The following SORCS1 variants were observed in gnomAD, a reference collection of about 807,000 sequenced individuals.
SORCS1 encodes the protein sortilin related VPS10 domain containing receptor 1.
SORCS1 carries 60 observed loss-of-function variants against 146.1 expected under a neutral mutation model. The ratio of observed to expected loss-of-function variants is 0.41; its 90% confidence interval spans 0.33 to 0.51. SORCS1 has a LOEUF of 0.51. SORCS1 is among the 20% of genes least tolerant of loss of function. SORCS1 has a pLI of 0.21. For synonymous variants in SORCS1, 637 were observed against 584.0 expected (o/e 1.09, Z -1.31); for missense variants, 1,352 against 1,487.6 (o/e 0.91, Z 1.50).
Position 106,878,266 on chromosome 10 carries a change from G to T in SORCS1, c.627-48593C>A, listed in dbSNP as rs900206296. Among the ~76,000 whole-genome samples the T allele has an allele frequency of 2.6e-5, 4 of 151,594 alleles. No individual in the cohort carries two copies. In the East Asian group the frequency reaches 7.8e-4, roughly 29 times the overall value. ...TCTTCTGGGGGACTCCTTGTGGGAG[G>T]TTATAAACTTGTCACAATAATTCGG... On this transcript the variant is annotated intron_variant, in intron 2 of 25. Transcript: ENST00000263054.
chr10:106,976,623 GC>G (rs200225308), intron 1 of SORCS1, among the ~76,000 whole-genome samples: 5,374 of 152,164 alleles, frequency 0.035, 140 homozygotes, highest in Non-Finnish European at 0.053. Context: ...GAGCCACCGC[GC>G]CCGGCTGCCA....
At chr10:106,865,539 C>G (rs1950195338) in intron 2 of SORCS1, among the ~76,000 whole-genome samples, 1 of 151,988 alleles carries the variant, frequency 6.6e-6, no homozygotes, top group African/African-American at 2.4e-5. Flanking sequence ...GCCTGGGGAA[C>G]ATGGTGAAAC....
chr10:106,943,585 ATCATGAGG>A lies in SORCS1; in HGVS notation c.626+12920_626+12927del, dbSNP rs1265834837. ...CGCTTTGGGAGGCCGAGGTGGCCGGATCATGAGGTCAGGAGATCAAGACCATCCCGGCT... is the reference window on the plus strand; with the variant it reads ...CGCTTTGGGAGGCCGAGGTGGCCGGATCAGGAGATCAAGACCATCCCGGCT... On this transcript the variant is annotated intron_variant, in intron 2 of 25. Transcript: ENST00000263054. Among the ~76,000 whole-genome samples the A allele has an allele frequency of 3.9e-5, 6 of 152,204 alleles. No individual in the cohort carries two copies. The East Asian group carries it at 1.2e-3, about 29-fold the overall frequency.
At position 107,164,005 on chromosome 10, in the gene SORCS1, G is replaced by A. The variant is rs765981194; in HGVS notation, c.522C>T (p.Asn174=). The change falls in exon 1 of 26, where the codon AAC becomes AAT. Residue 174 remains asparagine (N), a synonymous_variant. Coordinates refer to ENST00000263054, the MANE Select transcript of SORCS1 (RefSeq NM_052918.5). This position sits in a 1 kb window ranked among gnomAD's most constrained non-coding sequence, Gnocchi z 6.8. ...GGCCAGACCAGTGGACCATGGCTTG[G>A]TTGTGTGCTGAGTCTCCCGTCAGCG... ...TFALTGDSAH[N]QAMVHWSGHN... The A allele has an allele frequency of 6.2e-7, 1 of 1,614,016 alleles. No individual in the cohort carries two copies. The highest frequency in any genetic ancestry group is 8.5e-7 in the Non-Finnish European group (1 of 1,180,014).
chr10:107,066,743 A>C (rs1386154535), intron 1 of SORCS1, among the ~76,000 whole-genome samples: 2 of 152,212 alleles, frequency 1.3e-5, no homozygotes, highest in African/African-American at 2.4e-5. Context: ...CTCTAAAAAA[A>C]GATTGAGAGC....
intron 18 of SORCS1, among the ~76,000 whole-genome samples, chr10:106,633,485 T>A (rs1848554515): frequency 6.6e-6 from 1 of 152,192 alleles, no homozygotes; most frequent in African/African-American, 2.4e-5. Flanking sequence ...GTAGCTACCA[T>A]TCTACTCTCC....
At chr10:106,858,886 A>T (rs1436483189) in intron 2 of SORCS1, among the ~76,000 whole-genome samples, 1 of 152,200 alleles carries the variant, frequency 6.6e-6, no homozygotes, top group Non-Finnish European at 1.5e-5. Flanking sequence ...TTCTTATACA[A>T]ACACACAGTT....
At chr10:106,837,010 C>G (rs1198084032) in intron 2 of SORCS1, among the ~76,000 whole-genome samples, 1 of 152,152 alleles carries the variant, frequency 6.6e-6, no homozygotes, top group Non-Finnish European at 1.5e-5. Context: ...GACTCCTAGC[C>G]CACTTATGTT....
rs566739926 is a variant in SORCS1 at position 106,873,390 on chromosome 10, T to G, written c.627-43717A>C. On this transcript the variant is annotated intron_variant, in intron 2 of 25. Coordinates refer to ENST00000263054, the MANE Select transcript of SORCS1 (RefSeq NM_052918.5). ...GATATTTAGCAGGGCATGTTAATAATAGTGGGGCCTATGTAATTTGCATGT... is the reference window on the plus strand; with the variant it reads ...GATATTTAGCAGGGCATGTTAATAAGAGTGGGGCCTATGTAATTTGCATGT... Among the ~76,000 whole-genome samples, 19 of 152,174 alleles carry G rather than the reference T, an allele frequency of 1.2e-4. No homozygotes were observed. In the South Asian group the frequency reaches 3.5e-3, roughly 28 times the overall value.
chr10:106,852,870 A>G (rs1310807036), intron 2 of SORCS1, among the ~76,000 whole-genome samples: 1 of 152,126 alleles, frequency 6.6e-6, no homozygotes, highest in Non-Finnish European at 1.5e-5. Flanking sequence ...CTTTTCAAAC[A>G]TTATTGGATT....
At chr10:106,800,266 A>G (rs1433079024) in intron 3 of SORCS1, among the ~76,000 whole-genome samples, 2 of 152,178 alleles carry the variant, frequency 1.3e-5, no homozygotes, top group Non-Finnish European at 2.9e-5. Context: ...CCCACCAAGG[A>G]AAGTAATTGG....
At chr10:107,133,233 G>A (rs1293398593) in intron 1 of SORCS1, among the ~76,000 whole-genome samples, 1 of 152,144 alleles carries the variant, frequency 6.6e-6, no homozygotes, top group Admixed American at 6.5e-5. Context: ...TGTGAACGAA[G>A]GTTGTCTTTT....
intron 24 of SORCS1, among the ~76,000 whole-genome samples, chr10:106,584,853 A>G (rs923609903): frequency 1.2e-4 from 18 of 152,224 alleles, no homozygotes; most frequent in African/African-American, 4.1e-4. Flanking sequence ...AATGACAAAC[A>G]TCAGTAACTC....
chr10:106,999,767 G>A (rs1957142943), intron 1 of SORCS1, among the ~76,000 whole-genome samples: 1 of 152,186 alleles, frequency 6.6e-6, no homozygotes, highest in Admixed American at 6.5e-5. Flanking sequence ...TTCAGCCAGG[G>A]GCTGGGCTCA....
intron 1 of SORCS1, among the ~76,000 whole-genome samples, chr10:107,064,244 A>G (rs1214930322): frequency 2.0e-5 from 3 of 152,148 alleles, no homozygotes; most frequent in African/African-American, 7.2e-5. Context: ...TTAGAATCCT[A>G]AACCCCGATC....
rs928747005 is a variant in SORCS1, at chr10:106,968,027, AC to A, written c.559-11448del. Among the ~76,000 whole-genome samples, 10 of 148,796 alleles carry A rather than the reference AC, an allele frequency of 6.7e-5. No homozygotes were observed. The East Asian group carries it at 7.9e-4, about 12-fold the overall frequency. ...AGACCATCCTGGCTAACACGGTGAA[AC>A]CCCGTCTCTACTAAAGAAAAAAAAA... On this transcript the variant is annotated intron_variant, in intron 1 of 25. Coordinates refer to ENST00000263054, the MANE Select transcript of SORCS1 (RefSeq NM_052918.5).
intron 1 of SORCS1, among the ~76,000 whole-genome samples, chr10:107,090,695 A>T (rs1964121810): frequency 6.6e-6 from 1 of 152,188 alleles, no homozygotes; most frequent in East Asian, 1.9e-4. Context: ...GGCATGATAG[A>T]GATGGTAAAA....
intron 17 of SORCS1, among the ~76,000 whole-genome samples, chr10:106,656,345 T>G (rs1850285343): frequency 6.6e-6 from 1 of 152,084 alleles, no homozygotes; most frequent in Non-Finnish European, 1.5e-5. Flanking sequence ...GGTCAGGAGA[T>G]CGAGACCATC....
chr10:107,012,065 A>G (rs552744149), intron 1 of SORCS1, among the ~76,000 whole-genome samples: 1 of 152,238 alleles, frequency 6.6e-6, no homozygotes, highest in Non-Finnish European at 1.5e-5. Flanking sequence ...ATGTGCCCAG[A>G]CAACAGGTAG....
Sources: gnomAD v4.1 joint callset for allele counts (sites outside exome capture counted in the v4.1 genomes callset) on GRCh38, gnomAD v4.1.1 for gene constraint, Gnocchi (gnomAD v3.1) non-coding constraint, MANE v1.5 for transcripts, NCBI Gene and HGNC (gene_info 2026-07-23, HGNC 2026-07-21) for gene names.